The following SCRIB variants were observed in gnomAD, a reference collection of about 807,000 sequenced individuals.
SCRIB encodes the protein protein scribble homolog.
Under a neutral mutation model 170.0 loss-of-function variants are expected in SCRIB, and 72 were observed. That is an observed-to-expected ratio of 0.42 (90% CI 0.35 to 0.52). The LOEUF is 0.52. Ranked by LOEUF, SCRIB falls within the 20% of genes least tolerant of loss-of-function variation. The pLI is 0.02. For missense variants in SCRIB, 2,475 were observed against 2,338.5 expected, an observed-to-expected ratio of 1.06 and a Z score of -1.20; for synonymous variants, 1,298 against 1,044.3, an observed-to-expected ratio of 1.24 and a Z score of -4.68.
At chr8:143,809,795 G>T in intron 13 of SCRIB, 77 bp from the exon 14 acceptor site, 2 of 1,529,202 alleles carry the variant, frequency 1.3e-6, no homozygotes, top group Non-Finnish European at 1.8e-6. Flanking sequence ...CCCCCACGTG[G>T]CAGGCCTTCC....
chr8:143,807,139 A>C (rs1440451201), intron 16 of SCRIB, 126 bp from the exon 17 acceptor site: 2 of 713,014 alleles, frequency 2.8e-6, no homozygotes, highest in Admixed American at 4.8e-5. Context: ...ATGGGGCCTC[A>C]TGCCACTCAC....
chr8:143,811,151 C>A lies in SCRIB; in HGVS notation c.1101G>T (p.Gly367=), dbSNP rs1227164632. Residue 367 remains glycine (G), a synonymous_variant, in exon 10 of 37, where the codon GGG becomes GGT. Transcript: ENST00000356994. The stretch of plus-strand genomic sequence containing the variant: ...AGGGCAAGGCTGGCACTCACCGGTT[C>A]CCCGCCACGTCCAGCACGTGCAGCT... ...TTELHVLDVA[G]NRLQSLPFAL... 3 of 1,602,546 alleles carry A rather than the reference C, an allele frequency of 1.9e-6. No individual in the cohort carries two copies. The South Asian group carries it at 3.3e-5, about 18-fold the overall frequency.
Position 143,804,065 on chromosome 8 carries a change from G to C in SCRIB, c.3101C>G (p.Pro1034Arg). 2 of 1,611,548 alleles carry C rather than the reference G, an allele frequency of 1.2e-6. No individual in the cohort carries two copies. The highest frequency in any genetic ancestry group is 2.2e-5 in the East Asian group (1 of 44,820). ...HSSHPFGVQEPGVFISKVLPR... is the reference protein window; with the variant it reads ...HSSHPFGVQERGVFISKVLPR... ...CCCTACCTTGGAGATGAACACACCA[G>C]GCTCCTGGACACCAAACGGGTGGCT... The change falls in exon 22 of 37, where the codon CCT becomes CGT. Residue 1034 changes from proline (P) to arginine (R), a missense_variant. By Grantham distance (103) the Pro-to-Arg change is moderately radical (BLOSUM62 -2). Around this residue, in one of 3 missense-constraint regions of SCRIB, gnomAD observed 1,966 missense variants for 1,742.9 expected, o/e 1.13. Transcript: ENST00000356994.
intron 24 of SCRIB, 50 bp from the exon 25 acceptor site, chr8:143,795,580 C>T (rs782047722): frequency 2.7e-6 from 4 of 1,480,682 alleles, no homozygotes; most frequent in Non-Finnish European, 2.8e-6. Context: ...CCCGGGGTCC[C>T]ACCTCTGGGG....
chr8:143,810,934 C>T lies in SCRIB; in HGVS notation c.1245G>A (p.Leu415=), dbSNP rs376464127. ...RTGEKVLTCY[L]LPQQPPPSLE... ...GGCTGGGTGGGGGCTGCTGGGGCAG[C>T]AAGTAGCAGGTGAGCACCTTCTCGC... Residue 415 remains leucine (L), a synonymous_variant, in exon 11 of 37, where the codon TTG becomes TTA. Coordinates refer to ENST00000356994, the MANE Select transcript of SCRIB (RefSeq NM_182706.5). 3 of 1,611,818 alleles carry T rather than the reference C, an allele frequency of 1.9e-6. No homozygotes were observed. Among genetic ancestry groups the T allele is most frequent in the African/African-American group, 1.3e-5 (1 of 74,932 alleles).
chr8:143,805,579 G>T, intron 18 of SCRIB, 144 bp from the exon 19 acceptor site: 1 of 843,130 alleles, frequency 1.2e-6, no homozygotes. Context: ...CATCACCCGA[G>T]ACCTTTAGCC....
intron 1 of SCRIB, among the ~76,000 whole-genome samples, chr8:143,814,582 G>A (rs1204359325): frequency 6.6e-6 from 1 of 152,190 alleles, no homozygotes; most frequent in Non-Finnish European, 1.5e-5. Flanking sequence ...CCTGCAGGTG[G>A]CCACAGAGGA....
At chr8:143,812,740 A>G in intron 8 of SCRIB, 77 bp downstream of exon 8, 1 of 1,533,612 alleles carries the variant, frequency 6.5e-7, no homozygotes, top group Non-Finnish European at 8.8e-7. Context: ...TCCACACCAC[A>G]CACAGCCCCG....
chr8:143,792,414 G>A lies in SCRIB; in HGVS notation c.4329-9C>T. 2 of 1,499,816 alleles carry A rather than the reference G, an allele frequency of 1.3e-6. No individual in the cohort carries two copies. Among genetic ancestry groups the A allele is most frequent in the Non-Finnish European group, 1.8e-6 (2 of 1,127,256 alleles). 92.9% of individuals were successfully genotyped at this position (1,499,816 alleles called of 1,614,324 possible). A position where few individuals can be genotyped will look rare whatever the true frequency, so the allele number is the denominator to read the frequency against. On this transcript the variant is annotated splice_polypyrimidine_tract_variant and intron_variant, in intron 31 of 36. Transcript: ENST00000356994. ...GGGACGCCGGGCTCTGCCTGGGGAA[G>A]GGACAGGACGTGCTGTGGGGGGCAG...
Position 143,815,539 on chromosome 8 carries a change from CGCGCTCGGAACGCTCGGACT to C in SCRIB, c.-187_-168del, listed in dbSNP as rs902963184. 3 of 981,012 alleles carry C rather than the reference CGCGCTCGGAACGCTCGGACT, an allele frequency of 3.1e-6. No homozygotes were observed. The African/African-American group carries it at 5.3e-5, about 17-fold the overall frequency. The allele number at this position is 981,012 out of a possible 1,614,324, so 60.8% of individuals were successfully genotyped here. ...GCCGCGGCCGGCGCTGGGCCCGGCCCGCGCTCGGAACGCTCGGACTGCGGGCCTGGGCAGGGGGCGCGGCC... is the reference window on the plus strand; with the variant it reads ...GCCGCGGCCGGCGCTGGGCCCGGCCCGCGGGCCTGGGCAGGGGGCGCGGCC... On this transcript the variant is annotated 5_prime_UTR_variant, in exon 1 of 37. Coordinates refer to ENST00000356994, the MANE Select transcript of SCRIB (RefSeq NM_182706.5).
At chr8:143,805,470 C>A in intron 18 of SCRIB, 35 bp from the exon 19 acceptor site, 1 of 1,444,334 alleles carries the variant, frequency 6.9e-7, no homozygotes, top group South Asian at 1.4e-5. Context: ...ATTCAGGACC[C>A]AGTGCCGCCA....
chr8:143,810,429 C>G (rs1316267255), intron 13 of SCRIB, 50 bp downstream of exon 13: 1 of 1,590,988 alleles, frequency 6.3e-7, no homozygotes, highest in Admixed American at 1.7e-5. Flanking sequence ...ACCGGACCAC[C>G]ACAGCTCCCG....
At chr8:143,795,151 C>T in intron 26 of SCRIB, 39 bp from the exon 27 acceptor site, 1 of 1,604,256 alleles carries the variant, frequency 6.2e-7, no homozygotes, top group South Asian at 1.1e-5. Flanking sequence ...AGGGGTAGCT[C>T]CGTGGCAGCA....
In SCRIB at chr8:143,807,574, G is replaced by A. The variant is rs782396009; in HGVS notation, c.2156C>T (p.Pro719Leu). The change falls in exon 16 of 37, where the codon CCT becomes CTT. Residue 719 changes from proline (P) to leucine (L), a missense_variant. Around this residue, in one of 3 missense-constraint regions of SCRIB, gnomAD observed 1,966 missense variants for 1,742.9 expected, o/e 1.13. Transcript: ENST00000356994. ...FDQANNLLIE[P>L]ARIEEEELTL... Reference sequence around the variant, plus strand: ...GACCTCTTCCTCCTCAATGCGAGCAGGCTCTATCAGCAGGTTATTGGCCTG... The same window carrying A: ...GACCTCTTCCTCCTCAATGCGAGCAAGCTCTATCAGCAGGTTATTGGCCTG... The A allele has an allele frequency of 1.2e-6, 2 of 1,613,972 alleles. No individual in the cohort carries two copies. Among genetic ancestry groups the A allele is most frequent in the Admixed American group, 1.7e-5 (1 of 60,026 alleles).
At position 143,808,754 on chromosome 8, in the gene SCRIB, G is replaced by A. The variant is rs1027607507; in HGVS notation, c.1970C>T (p.Ala657Val). The A allele has an allele frequency of 5.0e-6, 8 of 1,606,244 alleles. No homozygotes were observed. Among genetic ancestry groups the A allele is most frequent in the Non-Finnish European group, 6.0e-6 (7 of 1,176,000 alleles). Residue 657 changes from alanine (A) to valine (V), a missense_variant, in exon 15 of 37, where the codon GCC becomes GTC. Physicochemically the swap from Ala to Val is moderately conservative, Grantham distance 64 (BLOSUM62 0). Transcript: ENST00000356994. ...TTCCTCCTCCTCCTCCTCCTTCTGG[G>A]CCCGAGGAGCCCAGGGTGCGTGGGG... The part of the protein sequence containing the change: ...NGPHAPWAPR[A>V]QKEEEEEEEG...
chr8:143,792,363 C>A lies in SCRIB; in HGVS notation c.4371G>T (p.Pro1457=). ...GCCGTTCAGCTTTGGCCGTCCGCACCGGGGCGCCACCTCCCAGGGGTGGGG... is the reference window on the plus strand; with the variant it reads ...GCCGTTCAGCTTTGGCCGTCCGCACAGGGGCGCCACCTCCCAGGGGTGGGG... The part of the protein sequence containing the change: ...ASPPPLGGGA[P]VRTAKAERRH... Residue 1457 remains proline (P), a synonymous_variant, in exon 32 of 37, where the codon CCG becomes CCT. Transcript: ENST00000356994. The A allele has an allele frequency of 6.5e-7, 1 of 1,528,810 alleles. No individual in the cohort carries two copies. Among genetic ancestry groups the A allele is most frequent in the Non-Finnish European group, 8.7e-7 (1 of 1,143,384 alleles). The allele number at this position is 1,528,810 out of a possible 1,614,324, so 94.7% of individuals were successfully genotyped here. A position where few individuals can be genotyped will look rare whatever the true frequency, so the allele number is the denominator to read the frequency against.
rs1034720918 is a variant in SCRIB at position 143,807,436 on chromosome 8, G to A, written c.2178+116C>T. The A allele has an allele frequency of 1.8e-4, 158 of 864,442 alleles. 1 individual carries two copies. Among genetic ancestry groups the A allele is most frequent in the Non-Finnish European group, 2.9e-4 (149 of 506,240 alleles). The allele number at this position is 864,442 out of a possible 1,614,324, so 53.5% of individuals were successfully genotyped here. On this transcript the variant is annotated intron_variant, in intron 16 of 36. Transcript: ENST00000356994. Reference sequence around the variant, plus strand: ...TCCTGGAGCCCAGCTGGATCTGAGAGCTCTTTTGAGAGGGATCTGCGCTCA... The same window carrying A: ...TCCTGGAGCCCAGCTGGATCTGAGAACTCTTTTGAGAGGGATCTGCGCTCA...
At chr8:143,811,811 C>T (rs1815738017) in intron 9 of SCRIB, among the ~76,000 whole-genome samples, 2 of 152,136 alleles carry the variant, frequency 1.3e-5, no homozygotes, top group South Asian at 4.1e-4. Context: ...CTCCCATGAA[C>T]ACCCTCCCCA....
intron 15 of SCRIB, among the ~76,000 whole-genome samples, chr8:143,807,816 G>A (rs1433349094): frequency 6.6e-6 from 1 of 152,178 alleles, no homozygotes; most frequent in African/African-American, 2.4e-5. Context: ...GAGCTGAGCA[G>A]AGTCCCACCG....
Sources: allele counts gnomAD v4.1 joint callset (sites outside exome capture counted in the v4.1 genomes callset), GRCh38; gene constraint gnomAD v4.1.1; regional missense constraint gnomAD v4.1.1; transcripts MANE v1.5; gene names NCBI Gene and HGNC (gene_info 2026-07-23, HGNC 2026-07-21).